The following HFM1 variants were observed in gnomAD, a reference collection of about 807,000 sequenced individuals.
HFM1 encodes probable ATP-dependent DNA helicase HFM1.
Under a neutral mutation model 192.1 loss-of-function variants are expected in HFM1, and 169 were observed. The observed-to-expected ratio is 0.88, with a 90% CI of 0.78 to 1.00. HFM1 has a LOEUF of 1.00. Ranked by LOEUF, HFM1 falls within the 50% of genes least tolerant of loss-of-function variation. HFM1 has a pLI of 0.00. For synonymous variants in HFM1, 525 were observed against 537.8 expected, an observed-to-expected ratio of 0.98 and a Z score of 0.33; for missense variants, 1,661 against 1,668.0, an observed-to-expected ratio of 1.00 and a Z score of 0.07.
At chr1:91,357,786 G>A (rs573966926) in intron 13 of HFM1, among the ~76,000 whole-genome samples, 1 of 152,100 alleles carries the variant, frequency 6.6e-6, no homozygotes, top group South Asian at 2.1e-4. Flanking sequence ...GAGATTAGTA[G>A]CATTTTTAAA....
At chr1:91,343,571 T>C (rs1655697418) in intron 19 of HFM1, 61 bp from the exon 20 acceptor site, 3 of 662,928 alleles carry the variant, frequency 4.5e-6, no homozygotes, top group East Asian at 3.1e-5. Context: ...GGAAAAATAA[T>C]TTATTATTAA....
intron 30 of HFM1, among the ~76,000 whole-genome samples, chr1:91,291,205 G>A (rs1396910058): frequency 2.0e-5 from 3 of 152,130 alleles, no homozygotes; most frequent in East Asian, 1.9e-4. Flanking sequence ...TAAAATCAGA[G>A]CAGAACTGAA....
At chr1:91,379,029 A>G in intron 9 of HFM1, 34 bp downstream of exon 9, 3 of 1,351,602 alleles carry the variant, frequency 2.2e-6, no homozygotes, top group Non-Finnish European at 3.0e-6. Flanking sequence ...TTTCTAACAA[A>G]CTAAAGAAAT....
chr1:91,267,359 G>A (rs1264951167), intron 35 of HFM1, among the ~76,000 whole-genome samples: 5 of 152,070 alleles, frequency 3.3e-5, no homozygotes, highest in Admixed American at 2.0e-4. Flanking sequence ...CAGATGAATA[G>A]TTTTAAAAAT....
chr1:91,395,126 A>T (rs909742799), intron 3 of HFM1, among the ~76,000 whole-genome samples: 4 of 152,142 alleles, frequency 2.6e-5, no homozygotes, highest in Non-Finnish European at 5.9e-5. Context: ...ATATTACATT[A>T]GGTCACATAC....
chr1:91,329,417 T>C (rs896936726), intron 20 of HFM1: 8 of 1,574,380 alleles, frequency 5.1e-6, no homozygotes, highest in South Asian at 2.3e-5. Context: ...TCAAGGTGAC[T>C]GGCTCACTCT....
At chr1:91,261,432 G>C (rs1665146639) in intron 38 of HFM1, 73 bp from the exon 39 acceptor site, 3 of 628,442 alleles carry the variant, frequency 4.8e-6, no homozygotes, top group Non-Finnish European at 7.4e-6. Flanking sequence ...AATAAATAAT[G>C]TAATACTAAA....
rs954094678 is a variant in HFM1 at position 91,316,159 on chromosome 1, C to A, written c.2924G>T (p.Gly975Val). ...ELILNRHPPF[G>V]TQIKETVMYL... Reference sequence around the variant, plus strand: ...CATCACAGTTTCTTTTATCTGGGTTCCAAAGGGGGGATGTCTGTTTAAAAT... The same window carrying A: ...CATCACAGTTTCTTTTATCTGGGTTACAAAGGGGGGATGTCTGTTTAAAAT... Residue 975 changes from glycine (G) to valine (V), a missense_variant, in exon 27 of 39, where the codon GGA becomes GTA. Coordinates refer to ENST00000370425, the MANE Select transcript of HFM1 (RefSeq NM_001017975.6). 4 of 1,588,200 alleles carry A rather than the reference C, an allele frequency of 2.5e-6. No individual in the cohort carries two copies. The African/African-American group carries it at 4.1e-5, about 16-fold the overall frequency.
intron 30 of HFM1, among the ~76,000 whole-genome samples, chr1:91,287,388 CT>C (rs1452947531): frequency 2.6e-5 from 4 of 152,124 alleles, no homozygotes; most frequent in Non-Finnish European, 4.4e-5. Context: ...GAGGCACCCC[CT>C]AGCAGGGGCA....
chr1:91,372,933 T>C (rs141419360), intron 13 of HFM1, among the ~76,000 whole-genome samples: 2 of 152,278 alleles, frequency 1.3e-5, no homozygotes, highest in South Asian at 2.1e-4. Flanking sequence ...CTGTTTCTTA[T>C]TGCTTAATCT....
At chr1:91,311,563 T>C (rs1330272919) in intron 30 of HFM1, among the ~76,000 whole-genome samples, 2 of 151,364 alleles carry the variant, frequency 1.3e-5, no homozygotes, top group Admixed American at 6.6e-5. Flanking sequence ...GAGGCAGAGG[T>C]TGCAGCAAGC....
rs371470799 is a variant in HFM1 at position 91,393,723 on chromosome 1, C to T, written c.494+370G>A. Among the ~76,000 whole-genome samples, 42 of 151,906 alleles carry T rather than the reference C, an allele frequency of 2.8e-4. 1 individual carries two copies. In the East Asian group the frequency reaches 5.8e-3, roughly 21 times the overall value. On this transcript the variant is annotated intron_variant, in intron 4 of 38. Transcript: ENST00000370425. ...TATAATTTATCCTCCATACTGGGGC[C>T]AAAATGAACTCTTAAAGAAAAGAAA...
At chr1:91,323,636 T>A (rs1193750127) in intron 21 of HFM1, among the ~76,000 whole-genome samples, 1 of 152,198 alleles carries the variant, frequency 6.6e-6, no homozygotes, top group Non-Finnish European at 1.5e-5. Context: ...ATGTTTTAGA[T>A]ATTAGGAAAT....
intron 18 of HFM1, among the ~76,000 whole-genome samples, chr1:91,350,331 A>G (rs1048154096): frequency 2.6e-5 from 4 of 152,190 alleles, no homozygotes; most frequent in African/African-American, 9.6e-5. Context: ...TGGCAGCAAC[A>G]GTAGTACTAT....
At chr1:91,383,876 A>G (rs1661847397) in intron 6 of HFM1, among the ~76,000 whole-genome samples, 1 of 152,140 alleles carries the variant, frequency 6.6e-6, no homozygotes, top group African/African-American at 2.4e-5. Flanking sequence ...TGATTGTGGT[A>G]ATTATTTTTG....
chr1:91,293,750 G>A (rs1197924189), intron 30 of HFM1, among the ~76,000 whole-genome samples: 62 of 150,356 alleles, frequency 4.1e-4, no homozygotes, highest in Middle Eastern at 3.5e-3. Flanking sequence ...ACATGCACAC[G>A]TATGTTTATT....
chr1:91,277,606 A>ACAC (rs1666967931), intron 30 of HFM1, among the ~76,000 whole-genome samples: 2 of 83,256 alleles, frequency 2.4e-5, no homozygotes, highest in Admixed American at 1.7e-4. Context: ...TATACTTTAT[A>ACAC]TATATACTAT....
intron 30 of HFM1, among the ~76,000 whole-genome samples, chr1:91,302,457 C>T (rs1296857714): frequency 6.6e-6 from 1 of 152,102 alleles, no homozygotes; most frequent in Non-Finnish European, 1.5e-5. Flanking sequence ...GATTATAAAA[C>T]ATGCTGCTAT....
At chr1:91,277,592 T>TATACTAATATATATA (rs1570750720) in intron 30 of HFM1, among the ~76,000 whole-genome samples, 2 of 12,412 alleles carry the variant, frequency 1.6e-4, no homozygotes, top group Admixed American at 1.1e-3. Flanking sequence ...TTATATATAA[T>TATACTAATATATATA]ATATATACTT....
Sources: gnomAD v4.1 joint callset for allele counts (sites outside exome capture counted in the v4.1 genomes callset) on GRCh38, gnomAD v4.1.1 for gene constraint, MANE v1.5 for transcripts, NCBI Gene and HGNC (gene_info 2026-07-23, HGNC 2026-07-21) for gene names.